MECOM: variants seen among roughly 807,000 people sequenced by gnomAD.
The protein encoded by MECOM is histone-lysine N-methyltransferase MECOM.
Under a neutral mutation model 116.3 loss-of-function variants are expected in MECOM, and 13 were observed. The ratio of observed to expected loss-of-function variants is 0.11; its 90% CI spans 0.07 to 0.18. MECOM has a LOEUF of 0.18. MECOM is among the 10% of genes least tolerant of loss of function. MECOM has a pLI of 1.00. For synonymous variants in MECOM, 528 were observed against 535.2 expected, an observed-to-expected ratio of 0.99 and a Z score of 0.19; for missense variants, 1,299 against 1,509.0, an observed-to-expected ratio of 0.86 and a Z score of 2.31.
intron 2 of MECOM, among the ~76,000 whole-genome samples, chr3:169,198,721 A>G (rs1161771809): frequency 6.6e-6 from 1 of 152,048 alleles, no homozygotes; most frequent in African/African-American, 2.4e-5. Flanking sequence ...CTATTTGCCA[A>G]TTACTGTACT....
At chr3:169,605,124 C>T (rs146447636) in intron 1 of MECOM, among the ~76,000 whole-genome samples, 10 of 151,888 alleles carry the variant, frequency 6.6e-5, no homozygotes, top group East Asian at 5.8e-4. Context: ...GCAGAAATGC[C>T]GAAAAAAATA....
rs151076602 is a variant in MECOM at position 169,640,390 on chromosome 3, C to A, written c.37+22946G>T. Among the ~76,000 whole-genome samples, 908 of 152,272 alleles carry A rather than the reference C, an allele frequency of 6.0e-3. 4 individuals are homozygous for A. The highest frequency in any genetic ancestry group is 0.027 in the Middle Eastern group (8 of 292). ...AAGTCTTCTCCAAAACATTGTCTGT[C>A]ACCATTCTAAAATTTTAATGACTAC... On this transcript the variant is annotated intron_variant, in intron 1 of 16. Coordinates refer to ENST00000651503, the MANE Select transcript of MECOM (RefSeq NM_004991.4).
Position 169,263,316 on chromosome 3 carries a change from C to G in MECOM, c.375+117871G>C, listed in dbSNP as rs923379955. Among the ~76,000 whole-genome samples the G allele has an allele frequency of 8.0e-5, 12 of 150,752 alleles. No homozygotes were observed. The East Asian group carries it at 9.8e-4, about 12-fold the overall frequency. Reference sequence around the variant, plus strand: ...GTTAATCTTTTGTATTTTTAGTAGACACGGGGTTTCACCGTGTTAGCCAAG... The same window carrying G: ...GTTAATCTTTTGTATTTTTAGTAGAGACGGGGTTTCACCGTGTTAGCCAAG... On this transcript the variant is annotated intron_variant, in intron 2 of 16. Coordinates refer to ENST00000651503, the MANE Select transcript of MECOM (RefSeq NM_004991.4).
At chr3:169,338,413 G>A (rs1723934863) in intron 2 of MECOM, among the ~76,000 whole-genome samples, 1 of 152,066 alleles carries the variant, frequency 6.6e-6, no homozygotes. Flanking sequence ...GGAGAGCTGG[G>A]GCTGTGTCTT....
chr3:169,241,754 G>C (rs1419214581), intron 2 of MECOM, among the ~76,000 whole-genome samples: 1 of 152,144 alleles, frequency 6.6e-6, no homozygotes, highest in Non-Finnish European at 1.5e-5. Flanking sequence ...AACAGGAAAT[G>C]TTTGACCAAT....
intron 1 of MECOM, among the ~76,000 whole-genome samples, chr3:169,651,677 G>A (rs537922774): frequency 6.6e-6 from 1 of 152,190 alleles, no homozygotes; most frequent in South Asian, 2.1e-4. Flanking sequence ...CAAATATGGT[G>A]CGGTGTATAC....
intron 1 of MECOM, among the ~76,000 whole-genome samples, chr3:169,579,269 G>A (rs987952447): frequency 3.3e-5 from 5 of 152,156 alleles, no homozygotes; most frequent in African/African-American, 1.2e-4. Context: ...TCTATTCAAG[G>A]AAGATAAGCC....
At chr3:169,342,530 C>G (rs530058430) in intron 2 of MECOM, among the ~76,000 whole-genome samples, 2 of 152,054 alleles carry the variant, frequency 1.3e-5, no homozygotes, top group Non-Finnish European at 2.9e-5. Context: ...GCACATTGCT[C>G]TTATAAAGTC....
intron 1 of MECOM, among the ~76,000 whole-genome samples, chr3:169,520,687 TG>T (rs1203984444): frequency 6.6e-6 from 1 of 152,230 alleles, no homozygotes; most frequent in Non-Finnish European, 1.5e-5. Flanking sequence ...TATTCTTCCA[TG>T]TTATTAAATA....
chr3:169,132,969 G>A (rs1242058720), intron 3 of MECOM, among the ~76,000 whole-genome samples: 1 of 151,718 alleles, frequency 6.6e-6, no homozygotes, highest in Non-Finnish European at 1.5e-5. Flanking sequence ...ACTCTGGCTG[G>A]TCTCGAACTC....
chr3:169,312,218 T>C (rs1240047691), intron 2 of MECOM, among the ~76,000 whole-genome samples: 1 of 152,172 alleles, frequency 6.6e-6, no homozygotes, highest in Non-Finnish European at 1.5e-5. Flanking sequence ...CTGCCTTCAT[T>C]TGGCAAGAGA....
chr3:169,166,337 G>A (rs562374729), intron 2 of MECOM, among the ~76,000 whole-genome samples: 24 of 152,232 alleles, frequency 1.6e-4, no homozygotes, highest in Non-Finnish European at 2.9e-4. Context: ...CTTCTCAAAG[G>A]TGCTAATTAC....
chr3:169,445,459 G>A (rs56129308), intron 1 of MECOM, among the ~76,000 whole-genome samples: 27,939 of 152,190 alleles, frequency 0.18, 3,016 homozygotes, highest in Non-Finnish European at 0.24. Context: ...CAGAAGTTAC[G>A]AATTGAGGTT....
At chr3:169,250,354 A>G (rs1756108341) in intron 2 of MECOM, among the ~76,000 whole-genome samples, 1 of 152,166 alleles carries the variant, frequency 6.6e-6, no homozygotes, top group South Asian at 2.1e-4. Flanking sequence ...GAATTCTTCA[A>G]AGGCATCACT....
intron 2 of MECOM, among the ~76,000 whole-genome samples, chr3:169,307,023 T>C (rs1717841815): frequency 6.6e-6 from 1 of 152,240 alleles, no homozygotes; most frequent in South Asian, 2.1e-4. Context: ...TTAACAGCCA[T>C]GCCAAGTTTA....
intron 2 of MECOM, among the ~76,000 whole-genome samples, chr3:169,238,554 C>CA (rs1429494928): frequency 6.6e-6 from 1 of 151,972 alleles, no homozygotes; most frequent in Non-Finnish European, 1.5e-5. Flanking sequence ...AAAACCAAAC[C>CA]AAAAAAACCC....
At chr3:169,178,996 A>G (rs185951538) in intron 2 of MECOM, among the ~76,000 whole-genome samples, 7 of 152,322 alleles carry the variant, frequency 4.6e-5, no homozygotes, top group Admixed American at 2.6e-4. Flanking sequence ...TACGCCCACA[A>G]TATTTATTTA....
chr3:169,516,127 G>A (rs7637263), intron 1 of MECOM, among the ~76,000 whole-genome samples: 4,168 of 152,218 alleles, frequency 0.027, 181 homozygotes, highest in African/African-American at 0.095. Context: ...TTTGAGCACT[G>A]AATTTAATGT....
At chr3:169,628,339 T>C (rs1400402364) in intron 1 of MECOM, among the ~76,000 whole-genome samples, 3 of 152,240 alleles carry the variant, frequency 2.0e-5, no homozygotes, top group Non-Finnish European at 2.9e-5. Flanking sequence ...AAAAGAAAAG[T>C]ACTTTGCTAA....
Sources: allele counts gnomAD v4.1 joint callset (sites outside exome capture counted in the v4.1 genomes callset), GRCh38; gene constraint gnomAD v4.1.1; transcripts MANE v1.5; gene names NCBI Gene and HGNC (gene_info 2026-07-23, HGNC 2026-07-21).